The following CPSF4L variants were observed in gnomAD, a reference collection of about 807,000 sequenced individuals.
CPSF4L encodes the protein cleavage and polyadenylation specific factor 4 like, also known as putative cleavage and polyadenylation specificity factor subunit 4-like protein.
CPSF4L carries 18 observed loss-of-function variants against 24.0 expected under a neutral mutation model. The ratio of observed to expected loss-of-function variants is 0.75; its 90% confidence interval spans 0.52 to 1.11. The LOEUF is 1.11. CPSF4L is among the 50% of genes least tolerant of loss of function. CPSF4L has a pLI of 0.00. For missense variants in CPSF4L, 211 were observed against 221.8 expected, an observed-to-expected ratio of 0.95 and a Z score of 0.31; for synonymous variants, 72 against 77.2, an observed-to-expected ratio of 0.93 and a Z score of 0.35.
chr17:73,242,968 T>C, the CPSF4L span: 1 of 1,614,012 alleles, frequency 6.2e-7, no homozygotes, highest in South Asian at 1.1e-5. Flanking sequence ...ACAGGATACT[T>C]CGTCCTGTGT....
chr17:73,242,465 G>C, the CPSF4L span: 2 of 662,654 alleles, frequency 3.0e-6, no homozygotes, highest in South Asian at 4.5e-5. Flanking sequence ...GTTAAAATGT[G>C]TGTTGTCTTC....
At chr17:73,260,394 G>T (rs1241391429) in intron 2 of CPSF4L, among the ~76,000 whole-genome samples, 1 of 152,168 alleles carries the variant, frequency 6.6e-6, no homozygotes, top group Non-Finnish European at 1.5e-5. Flanking sequence ...GACTGCTGCT[G>T]AGGCGGGAAA....
At chr17:73,251,526 G>C (rs547862888) in intron 5 of CPSF4L, among the ~76,000 whole-genome samples, 1 of 152,264 alleles carries the variant, frequency 6.6e-6, no homozygotes, top group East Asian at 1.9e-4. Flanking sequence ...TTTTTCTATA[G>C]AACACCAAAC....
intron 2 of CPSF4L, 143 bp from the exon 3 acceptor site, chr17:73,257,976 G>T: frequency 1.3e-6 from 1 of 779,948 alleles, no homozygotes; most frequent in South Asian, 1.9e-5. Flanking sequence ...CCCTGTAGGG[G>T]CTGGAACTGG....
At chr17:73,261,955 C>T, upstream of CPSF4L, 1 of 653,894 alleles carries the variant, frequency 1.5e-6, no homozygotes, top group Non-Finnish European at 2.7e-6. Context: ...CAGGTGACTG[C>T]AGGGGACGCT....
At chr17:73,252,761 TCAGC>T in intron 4 of CPSF4L, 38 bp from the exon 5 acceptor site, 1 of 1,429,628 alleles carries the variant, frequency 7.0e-7, no homozygotes, top group Non-Finnish European at 9.6e-7. Context: ...AGGATCCGCT[TCAGC>T]AAGAGGGGAA....
chr17:73,252,510 C>T (rs4569356), intron 5 of CPSF4L, 120 bp downstream of exon 5: 11 of 697,964 alleles, frequency 1.6e-5, no homozygotes, highest in Admixed American at 2.3e-5. Context: ...AATACTGGAG[C>T]GGATGCTTGC....
At chr17:73,260,624 G>A (rs531004624) in intron 2 of CPSF4L, among the ~76,000 whole-genome samples, 14 of 152,202 alleles carry the variant, frequency 9.2e-5, no homozygotes, top group Admixed American at 3.3e-4. Flanking sequence ...AAAATTAGCC[G>A]GGCTTGGTGG....
intron 4 of CPSF4L, among the ~76,000 whole-genome samples, chr17:73,253,629 C>G (rs1207351168): frequency 6.6e-6 from 1 of 152,216 alleles, no homozygotes; most frequent in African/African-American, 2.4e-5. Context: ...CTAAGCGTCT[C>G]CTATGGGCCT....
chr17:73,259,757 C>T (rs1011982342), intron 2 of CPSF4L, among the ~76,000 whole-genome samples: 1 of 152,226 alleles, frequency 6.6e-6, no homozygotes, highest in Non-Finnish European at 1.5e-5. Flanking sequence ...GGTGGGCGAA[C>T]ATGGCCCCAG....
chr17:73,247,533 G>T, downstream of CPSF4L: 2 of 546,162 alleles, frequency 3.7e-6, no homozygotes, highest in Non-Finnish European at 6.5e-6. Context: ...CATAATCAGG[G>T]TGCTGAAACA....
chr17:73,259,489 C>T (rs1178302048), intron 2 of CPSF4L, among the ~76,000 whole-genome samples: 1 of 152,174 alleles, frequency 6.6e-6, no homozygotes, highest in Non-Finnish European at 1.5e-5. Flanking sequence ...CCAAGGTGCT[C>T]TTTTTAAATA....
At chr17:73,259,164 C>T (rs151221423) in intron 2 of CPSF4L, among the ~76,000 whole-genome samples, 5 of 151,890 alleles carry the variant, frequency 3.3e-5, no homozygotes, top group Admixed American at 6.6e-5. Context: ...CTCAGCCTCC[C>T]GAGTAGCTGG....
intron 5 of CPSF4L, chr17:73,250,128 C>G: frequency 1.1e-6 from 1 of 945,678 alleles, no homozygotes; most frequent in Non-Finnish European, 1.5e-6. Flanking sequence ...CCACAGGCTA[C>G]TTCTGCACCT....
the CPSF4L span, chr17:73,242,952 C>G: frequency 6.2e-7 from 1 of 1,614,026 alleles, no homozygotes; most frequent in South Asian, 1.1e-5. Flanking sequence ...CATCACGATG[C>G]TCTTCACAGG....
chr17:73,258,337 G>A (rs1005690806), intron 2 of CPSF4L, among the ~76,000 whole-genome samples: 4 of 151,792 alleles, frequency 2.6e-5, no homozygotes, highest in African/African-American at 9.7e-5. Context: ...ATGGCGTCTC[G>A]CTCTGTTGCC....
intron 5 of CPSF4L, chr17:73,250,190 CAG>C (rs2061999159): frequency 2.0e-6 from 3 of 1,520,262 alleles, no homozygotes; most frequent in Non-Finnish European, 2.7e-6. Flanking sequence ...ACTTGGGAAA[CAG>C]AATCCCATAG....
At chr17:73,258,876 T>G (rs2062034065) in intron 2 of CPSF4L, among the ~76,000 whole-genome samples, 1 of 152,216 alleles carries the variant, frequency 6.6e-6, no homozygotes, top group South Asian at 2.1e-4. Flanking sequence ...AAACATCAAA[T>G]GTTATGCTTC....
At chr17:73,247,229 T>C, downstream of CPSF4L, 7 of 1,611,690 alleles carry the variant, frequency 4.3e-6, no homozygotes, top group Non-Finnish European at 5.9e-6. Context: ...ATTTACTATC[T>C]GGCCTTTACA....
Sources: allele counts gnomAD v4.1 joint callset (sites outside exome capture counted in the v4.1 genomes callset), GRCh38; gene constraint gnomAD v4.1.1; transcripts MANE v1.5; gene names NCBI Gene and HGNC (gene_info 2026-07-23, HGNC 2026-07-21).